NRG1: variants seen among roughly 807,000 people sequenced by gnomAD.
NRG1 encodes neuregulin 1, also known as pro-neuregulin-1, membrane-bound isoform.
Under a neutral mutation model 63.8 loss-of-function variants are expected in NRG1, and 18 were observed. The observed-to-expected ratio is 0.28, with a 90% CI of 0.19 to 0.42. The LOEUF (loss-of-function observed/expected upper bound fraction) is 0.42, where lower values mean the gene tolerates loss of function less well. Among genes scored for constraint, NRG1 ranks in the 10% least tolerant of loss-of-function variants. The pLI, the probability that NRG1 is intolerant of heterozygous loss-of-function variation, is 1.00. For missense variants in NRG1, 762 were observed against 814.7 expected (o/e 0.94, Z 0.79); for synonymous variants, 302 against 301.3 (o/e 1.00, Z -0.02).
intron 2 of NRG1, among the ~76,000 whole-genome samples, chr8:32,604,240 ATTG>A: frequency 6.6e-6 from 1 of 152,192 alleles, no homozygotes; most frequent in Non-Finnish European, 1.5e-5. Context: ...CAGGACCCCC[ATTG>A]TAGGAAGAAA....
intron 1 of NRG1, among the ~76,000 whole-genome samples, chr8:32,280,601 G>T (rs1852598219): frequency 6.6e-6 from 1 of 150,800 alleles, no homozygotes; most frequent in Non-Finnish European, 1.5e-5. Flanking sequence ...AATGTGTTTG[G>T]GGTTTCAGTA....
At chr8:32,756,921 C>T (rs749048575) in intron 9 of NRG1, among the ~76,000 whole-genome samples, 8 of 152,058 alleles carry the variant, frequency 5.3e-5, no homozygotes, top group South Asian at 2.1e-4. Context: ...TACAGATAAC[C>T]GAGCAAAGAG....
In NRG1 at chr8:32,663,978, G is replaced by A. The variant is rs77111889; in HGVS notation, c.502+47093G>A. On this transcript the variant is annotated intron_variant, in intron 5 of 11. Coordinates refer to ENST00000356819, the Ensembl canonical transcript of NRG1. Reference sequence around the variant, plus strand: ...TCCTTAGTCTCTATTCCAGCAGCTCGAATCATCTTTAATACTCATGTGTGT... The same window carrying A: ...TCCTTAGTCTCTATTCCAGCAGCTCAAATCATCTTTAATACTCATGTGTGT... Among the ~76,000 whole-genome samples the A allele has an allele frequency of 3.0e-3, 451 of 152,230 alleles. 13 individuals carry two copies. The East Asian group carries it at 0.075, about 25-fold the overall frequency.
At chr8:31,745,546 C>T (rs1372194254) in intron 1 of NRG1, among the ~76,000 whole-genome samples, 1 of 151,914 alleles carries the variant, frequency 6.6e-6, no homozygotes, top group Non-Finnish European at 1.5e-5. Flanking sequence ...GAACAAACTA[C>T]TTTATCCACC....
chr8:32,605,477 A>G, intron 2 of NRG1, 85 bp from the exon 3 acceptor site: 1 of 1,513,632 alleles, frequency 6.6e-7, no homozygotes, highest in Non-Finnish European at 9.1e-7. Flanking sequence ...CAGTTTGAGA[A>G]CTCTGAAAGC....
intron 1 of NRG1, among the ~76,000 whole-genome samples, chr8:32,109,403 G>C (rs1424387458): frequency 2.6e-5 from 4 of 152,166 alleles, no homozygotes; most frequent in Admixed American, 2.6e-4. Flanking sequence ...CAAGACTTTT[G>C]AGACCATCTG....
At chr8:31,784,555 A>G (rs1237470316) in intron 1 of NRG1, among the ~76,000 whole-genome samples, 1 of 152,218 alleles carries the variant, frequency 6.6e-6, no homozygotes, top group Non-Finnish European at 1.5e-5. Context: ...CAAATAGCAG[A>G]ATTTGCACAC....
At chr8:32,175,651 A>C (rs1455002475) in intron 1 of NRG1, among the ~76,000 whole-genome samples, 1 of 152,360 alleles carries the variant, frequency 6.6e-6, no homozygotes, top group South Asian at 2.1e-4. Context: ...ATACAAAATC[A>C]ATGTACAAAA....
At chr8:31,695,756 A>AG (rs1016965250) in intron 1 of NRG1, among the ~76,000 whole-genome samples, 1 of 152,212 alleles carries the variant, frequency 6.6e-6, no homozygotes, top group Admixed American at 6.5e-5. Flanking sequence ...CCTTAAAGAT[A>AG]GGGGGGTTGA....
intron 5 of NRG1, among the ~76,000 whole-genome samples, chr8:32,685,000 C>G (rs1313932082): frequency 1.3e-5 from 2 of 151,880 alleles, no homozygotes; most frequent in African/African-American, 4.8e-5. Flanking sequence ...ACCCCTGTAC[C>G]CTTTGTCCAT....
At chr8:32,174,759 A>G (rs1429946735) in intron 1 of NRG1, among the ~76,000 whole-genome samples, 1 of 152,214 alleles carries the variant, frequency 6.6e-6, no homozygotes, top group Non-Finnish European at 1.5e-5. Context: ...CTCGACACAT[A>G]CACCCTCCCA....
rs557579916 is a variant in NRG1 at position 31,788,515 on chromosome 8, C to A, written c.37+149084C>A. 3.8e-4 allele frequency among the ~76,000 whole-genome samples: 58 copies of A among 152,188 alleles called. 1 individual carries two copies. The highest frequency in any genetic ancestry group is 1.2e-3 in the African/African-American group (50 of 41,536). ...GAAGTCATGGAAGCAAAGAACAGTA[C>A]CCCTCAGGACCATTGTAAGAAAATG... On this transcript the variant is annotated intron_variant, in intron 1 of 10. Transcript: ENST00000519301.
intron 2 of NRG1, among the ~76,000 whole-genome samples, chr8:32,602,805 AT>A (rs1186426327): frequency 2.6e-5 from 4 of 152,044 alleles, no homozygotes; most frequent in Non-Finnish European, 2.9e-5. Context: ...TTTCCTCACT[AT>A]TTTTCAAAGG....
At chr8:31,919,888 C>A (rs1036988756) in intron 1 of NRG1, among the ~76,000 whole-genome samples, 3 of 151,994 alleles carry the variant, frequency 2.0e-5, no homozygotes, top group African/African-American at 7.2e-5. Flanking sequence ...GAGAAAAAAA[C>A]ATTTAATGTG....
intron 1 of NRG1, among the ~76,000 whole-genome samples, chr8:32,374,434 C>T (rs927928169): frequency 2.6e-5 from 4 of 152,118 alleles, no homozygotes; most frequent in Admixed American, 2.0e-4. Context: ...TTTAGAGAAC[C>T]TGGTAGTATC....
chr8:32,771,315 A>C (rs1239442758), downstream of NRG1, among the ~76,000 whole-genome samples: 1 of 132,918 alleles, frequency 7.5e-6, no homozygotes, highest in Admixed American at 8.0e-5. Flanking sequence ...TGGTAGGGAC[A>C]AGGTCTCGCT....
chr8:32,193,463 G>A (rs543855935), intron 1 of NRG1, among the ~76,000 whole-genome samples: 1 of 152,230 alleles, frequency 6.6e-6, no homozygotes, highest in East Asian at 1.9e-4. Context: ...CTACACTAAT[G>A]GAGTGCTGAT....
At chr8:32,073,021 G>T (rs377494102) in intron 1 of NRG1, among the ~76,000 whole-genome samples, 1 of 149,448 alleles carries the variant, frequency 6.7e-6, no homozygotes, top group African/African-American at 2.5e-5. Context: ...AAAAAAAATT[G>T]GTCAAAGAGA....
chr8:31,745,288 C>G (rs80023474), intron 1 of NRG1, among the ~76,000 whole-genome samples: 1,609 of 152,010 alleles, frequency 0.011, 32 homozygotes, highest in African/African-American at 0.037. Context: ...ACGGCCTGCG[C>G]AAACACACTT....
Sources: allele counts gnomAD v4.1 joint callset (sites outside exome capture counted in the v4.1 genomes callset), GRCh38; gene constraint gnomAD v4.1.1; transcripts MANE v1.5; gene names NCBI Gene and HGNC (gene_info 2026-07-23, HGNC 2026-07-21).